Variants in MS4A13 observed in about 807,000 individuals in gnomAD.
The protein encoded by MS4A13 is membrane spanning 4-domains A13, also known as membrane-spanning 4-domains subfamily A member 13.
In MS4A13, 21 loss-of-function variants were observed where a neutral mutation model predicts 18.4. That is an observed-to-expected ratio of 1.14 (90% confidence interval 0.81 to 1.64). MS4A13 has a LOEUF of 1.64. Ranked by LOEUF, MS4A13 falls within the 40% of genes most tolerant of loss-of-function variation. The probability of loss-of-function intolerance (pLI) is 0.00; values close to 1 mark genes in which losing one functional copy is unlikely to be tolerated. For missense variants in MS4A13, 173 were observed against 176.8 expected (o/e 0.98, Z 0.12); for synonymous variants, 62 against 57.2 (o/e 1.08, Z -0.38).
At chr11:60,539,189 C>CA (rs33947026) in intron 6 of MS4A13, among the ~76,000 whole-genome samples, 10,403 of 131,320 alleles carry the variant, frequency 0.079, 587 homozygotes, top group African/African-American at 0.15. Flanking sequence ...AGTGTTGTTT[C>CA]AAAAAAAAAA....
intron 3 of MS4A13, among the ~76,000 whole-genome samples, chr11:60,522,017 T>C (rs1238577437): frequency 6.6e-6 from 1 of 152,010 alleles, no homozygotes; most frequent in Non-Finnish European, 1.5e-5. Context: ...GAAACTCCCA[T>C]TTTTAAAACC....
intron 6 of MS4A13, among the ~76,000 whole-genome samples, chr11:60,539,833 C>T (rs2086842204): frequency 1.3e-5 from 2 of 152,106 alleles, no homozygotes; most frequent in Non-Finnish European, 2.9e-5. Context: ...GAAAAACAGT[C>T]AGGCAGGAAT....
Position 60,542,107 on chromosome 11 carries a change from A to G in MS4A13, c.403-412A>G, listed in dbSNP as rs1402228379. ...TGGGCGACATGACCTTGAAAACAGA[A>G]CAAGACCTTGAAAAAAAAAAAAAAC... On this transcript the variant is annotated intron_variant, in intron 6 of 6. Transcript: ENST00000378186. 3.3e-5 allele frequency among the ~76,000 whole-genome samples: 4 copies of G among 122,438 alleles called. No homozygotes were observed. The East Asian group carries it at 1.0e-3, about 32-fold the overall frequency. The allele number at this position is 122,438 out of a possible 152,430, so 80.3% of individuals were successfully genotyped here.
intron 6 of MS4A13, among the ~76,000 whole-genome samples, chr11:60,531,975 A>T (rs1590877627): frequency 6.6e-6 from 1 of 152,200 alleles, no homozygotes; most frequent in African/African-American, 2.4e-5. Context: ...AAATGAGGCA[A>T]TCAGAATCTA....
chr11:60,525,087 T>G, intron 4 of MS4A13, 120 bp from the exon 5 acceptor site: 1 of 687,446 alleles, frequency 1.5e-6, no homozygotes, highest in East Asian at 3.0e-5. Flanking sequence ...TATTTAATAC[T>G]TCTAAGACTT....
At chr11:60,525,943 G>A (rs1295343191) in intron 5 of MS4A13, among the ~76,000 whole-genome samples, 1 of 119,578 alleles carries the variant, frequency 8.4e-6, no homozygotes, top group Non-Finnish European at 1.8e-5. Flanking sequence ...CCTTAGCAAA[G>A]TTAATACAAA....
Position 60,542,675 on chromosome 11 carries a change from T to G in MS4A13, c.*100T>G, listed in dbSNP as rs1303819502. The G allele has an allele frequency of 1.4e-5, 9 of 666,458 alleles. No homozygotes were observed. Among genetic ancestry groups the G allele is most frequent in the Non-Finnish European group, 2.2e-5 (9 of 407,456 alleles). The allele number at this position is 666,458 out of a possible 1,614,324, so 41.3% of individuals were successfully genotyped here. ...GCAGTTACGAAGCCTACAGATTTTG[T>G]GCAAAATAAAATACAAACAAGGTGA... On this transcript the variant is annotated 3_prime_UTR_variant, in exon 7 of 7. Coordinates refer to ENST00000378186, the MANE Select transcript of MS4A13 (RefSeq NM_001012417.3).
In MS4A13 at chr11:60,530,899, G is replaced by C. The variant is rs1036497581; in HGVS notation, c.402+1439G>C. Among the ~76,000 whole-genome samples the C allele has an allele frequency of 5.5e-4, 82 of 148,620 alleles. 1 individual carries two copies. Among genetic ancestry groups the C allele is most frequent in the African/African-American group, 2.0e-3 (80 of 40,042 alleles). On this transcript the variant is annotated intron_variant, in intron 6 of 6. Coordinates refer to ENST00000378186, the MANE Select transcript of MS4A13 (RefSeq NM_001012417.3). The stretch of plus-strand genomic sequence containing the variant: ...TCATTCACTCAGTCTTCTTTCTCCT[G>C]CTGCCATGTGAAAAAGGTCCTTGCT...
chr11:60,542,841 A>T (rs1565217819), downstream of MS4A13: 1 of 255,768 alleles, frequency 3.9e-6, no homozygotes, highest in African/African-American at 2.2e-5. Flanking sequence ...TCCATAATAA[A>T]GCTTTTGTAA....
chr11:60,542,918 G>A (rs778221929), downstream of MS4A13, among the ~76,000 whole-genome samples: 9 of 152,036 alleles, frequency 5.9e-5, no homozygotes, highest in East Asian at 1.9e-4. Context: ...CCATGATGTC[G>A]TATAATTCAC....
intron 5 of MS4A13, among the ~76,000 whole-genome samples, chr11:60,527,410 C>CTCTCTGTGTGTGTGTGTG (rs1555024373): frequency 1.5e-3 from 42 of 28,802 alleles, no homozygotes; most frequent in Admixed American, 2.4e-3. Flanking sequence ...CTCTCTCTCT[C>CTCTCTGTGTGTGTGTGTG]TGTGTGTGTG....
intron 5 of MS4A13, among the ~76,000 whole-genome samples, chr11:60,527,701 C>T (rs181876973): frequency 1.6e-3 from 237 of 151,904 alleles, no homozygotes; most frequent in Non-Finnish European, 2.9e-3. Flanking sequence ...CTGGGCATGG[C>T]GGTGGGCACC....
intron 3 of MS4A13, among the ~76,000 whole-genome samples, chr11:60,522,479 T>A (rs2135251940): frequency 6.6e-6 from 1 of 152,088 alleles, no homozygotes; most frequent in South Asian, 2.1e-4. Flanking sequence ...ATAGCAATAA[T>A]GAGCAAGGAA....
intron 2 of MS4A13, among the ~76,000 whole-genome samples, chr11:60,516,780 C>A (rs2086640532): frequency 1.3e-5 from 2 of 152,294 alleles, no homozygotes; most frequent in South Asian, 4.1e-4. Context: ...TCTCCACACA[C>A]TGGCAGTTCT....
chr11:60,529,966 A>G (rs1057212424), intron 6 of MS4A13, among the ~76,000 whole-genome samples: 4 of 152,208 alleles, frequency 2.6e-5, no homozygotes, highest in Non-Finnish European at 5.9e-5. Flanking sequence ...GATGCAGTGA[A>G]CATTTGAGTA....
chr11:60,527,122 C>T (rs1348997802), intron 5 of MS4A13, among the ~76,000 whole-genome samples: 2 of 152,080 alleles, frequency 1.3e-5, no homozygotes, highest in African/African-American at 4.8e-5. Context: ...TGCAAGACTC[C>T]CTCGTTTCAA....
chr11:60,523,006 G>A (rs559007492), intron 3 of MS4A13, among the ~76,000 whole-genome samples: 8 of 152,236 alleles, frequency 5.3e-5, no homozygotes, highest in South Asian at 4.1e-4. Context: ...CATAGTAATC[G>A]AAAGATAATC....
intron 6 of MS4A13, 66 bp from the exon 7 acceptor site, chr11:60,542,453 T>C (rs2086867984): frequency 2.8e-6 from 3 of 1,062,072 alleles, no homozygotes; most frequent in Non-Finnish European, 4.2e-6. Context: ...AAGAAAAAGA[T>C]CTATTTATTA....
chr11:60,529,265 T>TTC, intron 5 of MS4A13, 100 bp from the exon 6 acceptor site: 1 of 316,190 alleles, frequency 3.2e-6, no homozygotes, highest in Non-Finnish European at 5.7e-6. Context: ...CTTTTTTTTT[T>TTC]TTTTTTTTTT....
Sources: allele counts gnomAD v4.1 joint callset (sites outside exome capture counted in the v4.1 genomes callset), GRCh38; gene constraint gnomAD v4.1.1; transcripts MANE v1.5; gene names NCBI Gene and HGNC (gene_info 2026-07-23, HGNC 2026-07-21).